Variants in PCSK2 observed in about 807,000 individuals in gnomAD.
The protein encoded by PCSK2 is proprotein convertase subtilisin/kexin type 2, also known as neuroendocrine convertase 2.
PCSK2 carries 14 observed loss-of-function variants against 69.7 expected under a neutral mutation model. The observed-to-expected ratio is 0.20, with a 90% CI of 0.13 to 0.31. The LOEUF (loss-of-function observed/expected upper bound fraction) is 0.31, where lower values mean the gene tolerates loss of function less well. Among genes scored for constraint, PCSK2 ranks in the 10% least tolerant of loss-of-function variants. The pLI, the probability that PCSK2 is intolerant of heterozygous loss-of-function variation, is 1.00. For missense variants in PCSK2, 544 were observed against 842.5 expected (o/e 0.65, Z 4.39); for synonymous variants, 307 against 320.7 (o/e 0.96, Z 0.46).
At chr20:17,252,492 T>C (rs1213570133) in intron 1 of PCSK2, among the ~76,000 whole-genome samples, 1 of 152,232 alleles carries the variant, frequency 6.6e-6, no homozygotes, top group Non-Finnish European at 1.5e-5. Context: ...CCAAGCACTT[T>C]TCATGCATTA....
chr20:17,295,213 A>AACACACAC (rs58508384), intron 2 of PCSK2, among the ~76,000 whole-genome samples: 83 of 146,282 alleles, frequency 5.7e-4, no homozygotes, highest in African/African-American at 2.0e-3. Flanking sequence ...ATACGCAGTT[A>AACACACAC]ACACACACAC....
At chr20:17,268,949 G>A (rs1987747716) in intron 2 of PCSK2, among the ~76,000 whole-genome samples, 2 of 152,204 alleles carry the variant, frequency 1.3e-5, no homozygotes, top group Non-Finnish European at 2.9e-5. Flanking sequence ...GATTAGATGA[G>A]GAATGGGAGA....
chr20:17,392,144 A>G (rs1435131866), intron 5 of PCSK2, among the ~76,000 whole-genome samples: 1 of 152,172 alleles, frequency 6.6e-6, no homozygotes, highest in African/African-American at 2.4e-5. Flanking sequence ...TTTTCCTTGA[A>G]TGGAGTCAAA....
chr20:17,314,408 A>T (rs1287715638), intron 2 of PCSK2, among the ~76,000 whole-genome samples: 1 of 152,196 alleles, frequency 6.6e-6, no homozygotes, highest in Non-Finnish European at 1.5e-5. Context: ...CAGGAAGTGA[A>T]ATTCTTCTGC....
At position 17,413,848 on chromosome 20, in the gene PCSK2, C is replaced by T. The variant is rs531634615; in HGVS notation, c.620+4509C>T. Among the ~76,000 whole-genome samples, 13 of 152,290 alleles carry T rather than the reference C, an allele frequency of 8.5e-5. No homozygotes were observed. The East Asian group carries it at 2.5e-3, about 29-fold the overall frequency. ...ACAAACTGTCTCTCAGACCACAGTG[C>T]AATCAAATTAGAACTCAGGATTAAG... On this transcript the variant is annotated intron_variant, in intron 6 of 11. Coordinates refer to ENST00000262545, the MANE Select transcript of PCSK2 (RefSeq NM_002594.5).
chr20:17,351,327 G>GA (rs1325038142), intron 2 of PCSK2, among the ~76,000 whole-genome samples: 1 of 152,066 alleles, frequency 6.6e-6, no homozygotes, highest in Non-Finnish European at 1.5e-5. Flanking sequence ...AAATCAAGGA[G>GA]ACTCCTCTCT....
intron 2 of PCSK2, among the ~76,000 whole-genome samples, chr20:17,297,539 C>T (rs556037867): frequency 5.8e-4 from 89 of 152,332 alleles, no homozygotes; most frequent in African/African-American, 2.1e-3. Flanking sequence ...CTTCAGGCTG[C>T]AGGAGGGGCT....
At position 17,276,139 on chromosome 20, in the gene PCSK2, C is replaced by T. The variant is rs145757795; in HGVS notation, c.282+15795C>T. Among the ~76,000 whole-genome samples, 210 of 152,134 alleles carry T rather than the reference C, an allele frequency of 1.4e-3. 1 individual carries two copies. Among genetic ancestry groups the T allele is most frequent in the African/African-American group, 4.8e-3 (200 of 41,508 alleles). On this transcript the variant is annotated intron_variant, in intron 2 of 11. Transcript: ENST00000262545. ...AGTAGCATTTTTGTTCACTGCTGTC[C>T]TTTAGTAATTCTACATACCATAAAA...
chr20:17,384,929 A>G (rs2031194843), intron 5 of PCSK2, among the ~76,000 whole-genome samples: 1 of 152,178 alleles, frequency 6.6e-6, no homozygotes, highest in African/African-American at 2.4e-5. Flanking sequence ...CCCTGACTCA[A>G]AAAAATAAGA....
At chr20:17,466,943 AC>A (rs2033113465) in intron 11 of PCSK2, among the ~76,000 whole-genome samples, 1 of 152,204 alleles carries the variant, frequency 6.6e-6, no homozygotes, top group South Asian at 2.1e-4. Context: ...CGTCCAGGTC[AC>A]CATGTGTAGT....
chr20:17,235,375 CA>C, intron 1 of PCSK2, among the ~76,000 whole-genome samples: 1 of 152,200 alleles, frequency 6.6e-6, no homozygotes, highest in East Asian at 1.9e-4. Context: ...TCTTTGTTTA[CA>C]ACTTTAAATT....
chr20:17,375,016 A>G (rs1348709480), intron 5 of PCSK2, among the ~76,000 whole-genome samples: 2 of 152,176 alleles, frequency 1.3e-5, no homozygotes, highest in Non-Finnish European at 2.9e-5. Flanking sequence ...CATATCAAAC[A>G]TCTTTGAACC....
At chr20:17,343,991 A>G (rs1199627279) in intron 2 of PCSK2, among the ~76,000 whole-genome samples, 1 of 152,244 alleles carries the variant, frequency 6.6e-6, no homozygotes, top group African/African-American at 2.4e-5. Context: ...CTGTTACAGC[A>G]GCCACAGAAA....
Position 17,434,965 on chromosome 20 carries a change from G to C in PCSK2, c.710-1743G>C, listed in dbSNP as rs1426039717. 5.3e-5 allele frequency among the ~76,000 whole-genome samples: 8 copies of C among 152,272 alleles called. No individual in the cohort carries two copies. In the East Asian group the frequency reaches 1.5e-3, roughly 29 times the overall value. On this transcript the variant is annotated intron_variant, in intron 7 of 11. Transcript: ENST00000262545. The stretch of plus-strand genomic sequence containing the variant: ...ATAGGTGGACCAAAAGCAAAATACA[G>C]AGTCTTAAATTTCCTATCTCCTTAT...
At chr20:17,267,998 A>C (rs1987689646) in intron 2 of PCSK2, among the ~76,000 whole-genome samples, 1 of 148,546 alleles carries the variant, frequency 6.7e-6, no homozygotes, top group Non-Finnish European at 1.5e-5. Flanking sequence ...ACCTTCCCCA[A>C]GATGCAAAAG....
chr20:17,437,612 A>G (rs533540097), intron 8 of PCSK2, among the ~76,000 whole-genome samples: 1 of 152,288 alleles, frequency 6.6e-6, no homozygotes, highest in South Asian at 2.1e-4. Context: ...AGGGGTCACT[A>G]TGATGTATAA....
chr20:17,388,622 G>A (rs1459314566), intron 5 of PCSK2, among the ~76,000 whole-genome samples: 1 of 152,072 alleles, frequency 6.6e-6, no homozygotes, highest in African/African-American at 2.4e-5. Context: ...CACCTCATAA[G>A]TTCAGGCACT....
chr20:17,362,150 G>A (rs1286096508), intron 4 of PCSK2, among the ~76,000 whole-genome samples: 3 of 152,152 alleles, frequency 2.0e-5, no homozygotes, highest in African/African-American at 7.2e-5. Flanking sequence ...AAAGCTCTTT[G>A]ACTGACTCCT....
intron 1 of PCSK2, among the ~76,000 whole-genome samples, chr20:17,249,447 C>T (rs375613329): frequency 2.8e-5 from 4 of 141,384 alleles, no homozygotes; most frequent in Middle Eastern, 4.1e-3. Context: ...GTGGAGTTTG[C>T]AGTGAGCCGA....
Sources: gnomAD v4.1 joint callset for allele counts (sites outside exome capture counted in the v4.1 genomes callset) on GRCh38, gnomAD v4.1.1 for gene constraint, MANE v1.5 for transcripts, NCBI Gene and HGNC (gene_info 2026-07-23, HGNC 2026-07-21) for gene names.